GLIS3: variants seen among roughly 807,000 people sequenced by gnomAD.
The protein encoded by GLIS3 is GLIS family zinc finger 3.
In GLIS3, 53 loss-of-function variants were observed where a neutral mutation model predicts 78.6. That is an observed-to-expected ratio of 0.67 (90% CI 0.54 to 0.85). The LOEUF is 0.85. Ranked by LOEUF, GLIS3 falls within the 40% of genes least tolerant of loss-of-function variation. The probability of loss-of-function intolerance (pLI) is 0.00; values close to 1 mark genes in which losing one functional copy is unlikely to be tolerated. For synonymous variants in GLIS3, 684 were observed against 509.9 expected, an observed-to-expected ratio of 1.34 and a Z score of -4.60; for missense variants, 1,703 against 1,231.1, an observed-to-expected ratio of 1.38 and a Z score of -5.74.
At chr9:4,359,442 G>T in the GLIS3 span, among the ~76,000 whole-genome samples, 1 of 152,152 alleles carries the variant, frequency 6.6e-6, no homozygotes, top group Non-Finnish European at 1.5e-5. Flanking sequence ...CTACTGTAAT[G>T]AGACTAAATC....
intron 4 of GLIS3, among the ~76,000 whole-genome samples, chr9:4,059,244 G>C (rs371052951): frequency 6.6e-6 from 1 of 152,224 alleles, no homozygotes; most frequent in East Asian, 1.9e-4. Context: ...TAAGCTGTCA[G>C]TTTTCCAAAC....
chr9:4,159,805 C>T (rs1334861594), intron 2 of GLIS3, among the ~76,000 whole-genome samples: 1 of 152,114 alleles, frequency 6.6e-6, no homozygotes, highest in Non-Finnish European at 1.5e-5. Context: ...ACAGATCTCT[C>T]TTGTGACCAA....
chr9:4,064,567 T>A (rs10814825), intron 4 of GLIS3, among the ~76,000 whole-genome samples: 103,241 of 151,966 alleles, frequency 0.68, 35,455 homozygotes, highest in East Asian at 0.96. Context: ...AGGCAGGCAG[T>A]TCACTTGAGG....
intron 1 of GLIS3, among the ~76,000 whole-genome samples, chr9:4,290,339 T>C (rs548512461): frequency 6.6e-6 from 1 of 152,282 alleles, no homozygotes; most frequent in African/African-American, 2.4e-5. Context: ...TGCTTCTGAC[T>C]CTACTTCTTA....
chr9:4,454,873 T>C, the GLIS3 span, among the ~76,000 whole-genome samples: 15 of 152,178 alleles, frequency 9.9e-5, no homozygotes, highest in Non-Finnish European at 2.1e-4. Flanking sequence ...GAAATTTTTG[T>C]TTCATATAAT....
intron 2 of GLIS3, among the ~76,000 whole-genome samples, chr9:4,138,711 T>C (rs1444457622): frequency 6.6e-6 from 1 of 152,194 alleles, no homozygotes; most frequent in Non-Finnish European, 1.5e-5. Context: ...TATTTCCTTG[T>C]CTGGGAAATG....
At chr9:4,393,601 G>C in the GLIS3 span, among the ~76,000 whole-genome samples, 143 of 152,126 alleles carry the variant, frequency 9.4e-4, no homozygotes, top group African/African-American at 3.2e-3. Context: ...CATTCTTTCT[G>C]TTTCTGACCT....
At chr9:4,220,547 C>G (rs999363326) in intron 2 of GLIS3, among the ~76,000 whole-genome samples, 2 of 152,052 alleles carry the variant, frequency 1.3e-5, no homozygotes, top group Non-Finnish European at 2.9e-5. Context: ...AAGTATATAG[C>G]CTGGGCCTCA....
the GLIS3 span, among the ~76,000 whole-genome samples, chr9:4,368,431 G>A: frequency 6.7e-6 from 1 of 150,130 alleles, no homozygotes; most frequent in African/African-American, 2.5e-5. Flanking sequence ...TGCAAGCTCC[G>A]CTTCCCGGGT....
the GLIS3 span, among the ~76,000 whole-genome samples, chr9:4,444,057 G>C: frequency 6.6e-6 from 1 of 152,140 alleles, no homozygotes; most frequent in African/African-American, 2.4e-5. Flanking sequence ...AAAATAAGGA[G>C]TGGGACCATG....
intron 4 of GLIS3, among the ~76,000 whole-genome samples, chr9:4,045,138 C>T (rs1165192471): frequency 6.6e-6 from 1 of 152,098 alleles, no homozygotes; most frequent in East Asian, 1.9e-4. Flanking sequence ...ATTCCAAGTC[C>T]TGACATTTAC....
chr9:4,417,342 C>T, the GLIS3 span, among the ~76,000 whole-genome samples: 1 of 152,174 alleles, frequency 6.6e-6, no homozygotes, highest in Non-Finnish European at 1.5e-5. Context: ...TCGTATCAAA[C>T]CATGAAAAGC....
the GLIS3 span, among the ~76,000 whole-genome samples, chr9:4,364,912 T>C: frequency 6.6e-6 from 1 of 152,184 alleles, no homozygotes; most frequent in East Asian, 1.9e-4. Context: ...GCCTCCCAAG[T>C]AGCCAGAACT....
At chr9:4,325,398 G>C (rs985726145) in intron 2 of GLIS3, among the ~76,000 whole-genome samples, 4 of 152,178 alleles carry the variant, frequency 2.6e-5, no homozygotes, top group African/African-American at 9.7e-5. Flanking sequence ...ATGAAAGAAA[G>C]AAAGGTTTAA....
intron 2 of GLIS3, among the ~76,000 whole-genome samples, chr9:4,165,907 G>A (rs897096918): frequency 6.6e-6 from 1 of 152,308 alleles, no homozygotes; most frequent in African/African-American, 2.4e-5. Context: ...CAGGAAAAAA[G>A]GAATCTGCAA....
At chr9:4,253,888 G>C (rs148643556) in intron 2 of GLIS3, among the ~76,000 whole-genome samples, 1,750 of 152,200 alleles carry the variant, frequency 0.011, 31 homozygotes, top group African/African-American at 0.04. Context: ...GCACTTCCCG[G>C]GTAAGGTGAC....
chr9:4,070,372 T>C (rs2130628976), intron 4 of GLIS3, among the ~76,000 whole-genome samples: 1 of 152,292 alleles, frequency 6.6e-6, no homozygotes, highest in Non-Finnish European at 1.5e-5. Context: ...GGAAGTTTTG[T>C]TTGTTAAAGA....
Position 3,882,546 on chromosome 9 carries a change from C to T in GLIS3, c.2129-2951G>A, listed in dbSNP as rs79400187. 2.3e-3 allele frequency among the ~76,000 whole-genome samples: 343 copies of T among 152,206 alleles called. 2 individuals carry two copies. The highest frequency in any genetic ancestry group is 7.8e-3 in the African/African-American group (323 of 41,528). ...TGAAGGGGATGCTAGGTGGGGCACA[C>T]GAGGTGTCAGGTATAGGGCTGAGGG... On this transcript the variant is annotated intron_variant, in intron 7 of 10. Transcript: ENST00000381971.
intron 6 of GLIS3, among the ~76,000 whole-genome samples, chr9:3,920,793 TG>T (rs1381209923): frequency 6.6e-6 from 1 of 152,172 alleles, no homozygotes; most frequent in Non-Finnish European, 1.5e-5. Flanking sequence ...AAGTCTACGA[TG>T]GGTAAACATT....
Sources: gnomAD v4.1 joint callset for allele counts (sites outside exome capture counted in the v4.1 genomes callset) on GRCh38, gnomAD v4.1.1 for gene constraint, MANE v1.5 for transcripts, NCBI Gene and HGNC (gene_info 2026-07-23, HGNC 2026-07-21) for gene names.